Variants in PALLD observed in about 807,000 individuals in gnomAD.
PALLD encodes the protein palladin.
PALLD carries 61 observed loss-of-function variants against 123.5 expected under a neutral mutation model. That is an observed-to-expected ratio of 0.49 (90% CI 0.40 to 0.61). PALLD has a LOEUF of 0.61. PALLD is among the 20% of genes least tolerant of loss of function. The probability of loss-of-function intolerance (pLI) is 0.00; values close to 1 mark genes in which losing one functional copy is unlikely to be tolerated. For synonymous variants in PALLD, 465 were observed against 496.4 expected, an observed-to-expected ratio of 0.94 and a Z score of 0.84; for missense variants, 1,273 against 1,377.0, an observed-to-expected ratio of 0.92 and a Z score of 1.20.
At chr4:168,905,695 GA>G (rs1757584794) in intron 15 of PALLD, among the ~76,000 whole-genome samples, 2 of 149,874 alleles carry the variant, frequency 1.3e-5, no homozygotes, top group Admixed American at 1.3e-4. Context: ...CCATCACCCT[GA>G]AAAAGTCTAA....
At chr4:168,521,676 C>T (rs1763579545) in intron 2 of PALLD, among the ~76,000 whole-genome samples, 1 of 152,098 alleles carries the variant, frequency 6.6e-6, no homozygotes. Context: ...TAAGTATTCA[C>T]AATGGTATAG....
At chr4:168,922,224 T>C (rs1761727498) in intron 18 of PALLD, among the ~76,000 whole-genome samples, 1 of 152,234 alleles carries the variant, frequency 6.6e-6, no homozygotes, top group East Asian at 1.9e-4. Context: ...CACTGATTAT[T>C]GTGTAGGTAA....
chr4:168,669,800 G>GCACACACACACACA (rs10637670), intron 3 of PALLD, among the ~76,000 whole-genome samples: 61 of 148,024 alleles, frequency 4.1e-4, no homozygotes, highest in African/African-American at 1.5e-3. Flanking sequence ...CTTACAAAAT[G>GCACACACACACACA]CACACACACA....
At chr4:168,583,573 TG>T (rs1388462757) in intron 2 of PALLD, among the ~76,000 whole-genome samples, 5 of 152,150 alleles carry the variant, frequency 3.3e-5, no homozygotes, top group Admixed American at 3.3e-4. Flanking sequence ...TTTCCTAGTC[TG>T]GGTTCCTCTG....
chr4:168,819,577 A>G (rs1742431291), intron 10 of PALLD, among the ~76,000 whole-genome samples: 1 of 152,224 alleles, frequency 6.6e-6, no homozygotes, highest in South Asian at 2.1e-4. Context: ...CAGTTCATTT[A>G]ATCTTTCCAT....
intron 2 of PALLD, among the ~76,000 whole-genome samples, chr4:168,608,770 T>G (rs1773439431): frequency 6.6e-6 from 1 of 151,284 alleles, no homozygotes; most frequent in Non-Finnish European, 1.5e-5. Flanking sequence ...TTAGTATCTG[T>G]CATTTTTTTT....
chr4:168,523,788 A>G (rs1763797958), intron 2 of PALLD, among the ~76,000 whole-genome samples: 1 of 152,190 alleles, frequency 6.6e-6, no homozygotes, highest in Non-Finnish European at 1.5e-5. Context: ...AATTACACAT[A>G]GTACTAAATT....
intron 2 of PALLD, among the ~76,000 whole-genome samples, chr4:168,606,618 G>A (rs1456786871): frequency 6.8e-6 from 1 of 146,112 alleles, no homozygotes; most frequent in Non-Finnish European, 1.5e-5. Context: ...AGCTTGCAGT[G>A]AGCCCACTGC....
intron 10 of PALLD, among the ~76,000 whole-genome samples, chr4:168,716,679 G>A (rs1405617983): frequency 6.6e-6 from 1 of 152,150 alleles, no homozygotes; most frequent in Non-Finnish European, 1.5e-5. Context: ...GGGATTGTTA[G>A]CATCACCTCA....
chr4:168,925,443 C>T, intron 21 of PALLD, 165 bp downstream of exon 21: 2 of 663,142 alleles, frequency 3.0e-6, no homozygotes, highest in Non-Finnish European at 5.5e-6. Flanking sequence ...CTGCAAATGA[C>T]TGCCTTTTAA....
rs114934095 is a variant in PALLD at position 168,540,050 on chromosome 4, T to C, written c.908+27638T>C. Among the ~76,000 whole-genome samples, 173 of 152,116 alleles carry C rather than the reference T, an allele frequency of 1.1e-3. 1 individual carries two copies. Among genetic ancestry groups the C allele is most frequent in the African/African-American group, 3.8e-3 (157 of 41,502 alleles). On this transcript the variant is annotated intron_variant, in intron 2 of 21. Transcript: ENST00000505667. Reference sequence around the variant, plus strand: ...ACTTTTTTATGATGTAAACCAACTATAGTGTAGTCCAAGACCTTAAAGGCA... The same window carrying C: ...ACTTTTTTATGATGTAAACCAACTACAGTGTAGTCCAAGACCTTAAAGGCA...
intron 10 of PALLD, among the ~76,000 whole-genome samples, chr4:168,733,900 A>G (rs1787445398): frequency 1.3e-5 from 2 of 152,020 alleles, no homozygotes; most frequent in African/African-American, 4.8e-5. Context: ...GCACCTGGCT[A>G]ATTTTTTTGT....
intron 10 of PALLD, among the ~76,000 whole-genome samples, chr4:168,795,101 C>T (rs961555812): frequency 1.3e-5 from 2 of 152,128 alleles, no homozygotes; most frequent in Non-Finnish European, 2.9e-5. Flanking sequence ...AGAGTTCCAC[C>T]CTTGTGACCT....
intron 10 of PALLD, among the ~76,000 whole-genome samples, chr4:168,819,133 C>A (rs1391319675): frequency 1.3e-5 from 2 of 152,168 alleles, no homozygotes; most frequent in African/African-American, 4.8e-5. Flanking sequence ...TTTTGTGTAG[C>A]TAGTTAGTGA....
chr4:168,697,633 AC>A (rs1465848746), intron 8 of PALLD, among the ~76,000 whole-genome samples: 1 of 151,920 alleles, frequency 6.6e-6, no homozygotes, highest in Non-Finnish European at 1.5e-5. Context: ...CACTCATCTT[AC>A]CCCCACAGAA....
chr4:168,878,140 C>A lies in PALLD; in HGVS notation c.1965-12782C>A, dbSNP rs2151117841. The A allele has an allele frequency of 3.4e-6, 5 of 1,487,740 alleles. No homozygotes were observed. Among genetic ancestry groups the A allele is most frequent in the Non-Finnish European group, 4.4e-6 (5 of 1,126,002 alleles). 92.2% of individuals were successfully genotyped at this position (1,487,740 alleles called of 1,614,324 possible). On this transcript the variant is annotated intron_variant, in intron 10 of 21. Coordinates refer to ENST00000505667, the MANE Select transcript of PALLD (RefSeq NM_001166108.2). ...CTGAGCCCGAGGCCCCGTGGGGCTC[C>A]TCCTCGCCGTCGCCCCCGCCCCCGC...
chr4:168,531,466 G>A (rs1020904025), intron 2 of PALLD, among the ~76,000 whole-genome samples: 2 of 152,226 alleles, frequency 1.3e-5, no homozygotes, highest in South Asian at 2.1e-4. Flanking sequence ...CTCAGTGTCC[G>A]GCACTCCAGA....
chr4:168,853,112 G>C (rs1748040684), intron 10 of PALLD, among the ~76,000 whole-genome samples: 1 of 152,166 alleles, frequency 6.6e-6, no homozygotes, highest in Non-Finnish European at 1.5e-5. Flanking sequence ...ATTATTGATA[G>C]GAAAATGAGA....
Position 168,768,184 on chromosome 4 carries a change from T to C in PALLD, c.1964+56261T>C, listed in dbSNP as rs547626516. On this transcript the variant is annotated intron_variant, in intron 10 of 21. Coordinates refer to ENST00000505667, the MANE Select transcript of PALLD (RefSeq NM_001166108.2). ...TCTGTTGATCTTTGATACTACTCTT[T>C]TATAACACATGAGATTGTAATTAAT... Among the ~76,000 whole-genome samples, 10 of 152,256 alleles carry C rather than the reference T, an allele frequency of 6.6e-5. No homozygotes were observed. The East Asian group carries it at 1.7e-3, about 26-fold the overall frequency.
Sources: allele counts gnomAD v4.1 joint callset (sites outside exome capture counted in the v4.1 genomes callset), GRCh38; gene constraint gnomAD v4.1.1; transcripts MANE v1.5; gene names NCBI Gene and HGNC (gene_info 2026-07-23, HGNC 2026-07-21).